SREBF2: variants seen among roughly 807,000 people sequenced by gnomAD.
SREBF2 encodes the protein sterol regulatory element binding transcription factor 2.
A neutral mutation model predicts 113.1 loss-of-function variants in SREBF2; 55 were observed. The observed-to-expected ratio is 0.49, with a 90% confidence interval of 0.39 to 0.61. SREBF2 has a LOEUF of 0.61. Among genes scored for constraint, SREBF2 ranks in the 20% least tolerant of loss-of-function variants. SREBF2 has a pLI of 0.00. For synonymous variants in SREBF2, 593 were observed against 605.7 expected (o/e 0.98, Z 0.31); for missense variants, 1,349 against 1,487.4 (o/e 0.91, Z 1.53).
In SREBF2 at chr22:41,905,470, A is replaced by T. The variant is rs1187132568; in HGVS notation, c.3236A>T (p.Glu1079Val). The T allele has an allele frequency of 1.9e-6, 3 of 1,579,306 alleles. No homozygotes were observed. Among genetic ancestry groups the T allele is most frequent in the Non-Finnish European group, 2.6e-6 (3 of 1,163,410 alleles). ...GEVDAWPGQR[E>V]RATAILLACR... ...GTGGATGCCTGGCCCGGCCAGCGAG[A>T]GCGGGCCACCGCCATCCTGCTGGCC... The change falls in exon 19 of 19, where the codon GAG becomes GTG. Residue 1079 changes from glutamate (E) to valine (V), a missense_variant. Around this residue, in one of 2 missense-constraint regions of SREBF2, gnomAD observed 650 missense variants for 644.1 expected, o/e 1.01. Transcript: ENST00000361204.
intron 1 of SREBF2, among the ~76,000 whole-genome samples, chr22:41,853,774 G>T (rs984326933): frequency 3.3e-5 from 5 of 152,098 alleles, no homozygotes. Context: ...AGTGGCTCAC[G>T]CCTGTAATCC....
At position 41,894,816 on chromosome 22, in the gene SREBF2, C is replaced by T; in HGVS notation, c.2378-4C>T. The T allele has an allele frequency of 6.2e-7, 1 of 1,613,858 alleles. No individual in the cohort carries two copies. Among genetic ancestry groups the T allele is most frequent in the Non-Finnish European group, 8.5e-7 (1 of 1,179,756 alleles). The stretch of plus-strand genomic sequence containing the variant: ...TTAACCCCCCTTGCCTGTCTCTTTT[C>T]CAGCTGACCCCATTGCGCAGGTCCA... On this transcript the variant is annotated splice_polypyrimidine_tract_variant and splice_region_variant and intron_variant, in intron 12 of 18. Transcript: ENST00000361204.
chr22:41,886,473 GT>G (rs1485476759), intron 11 of SREBF2, among the ~76,000 whole-genome samples: 1 of 152,170 alleles, frequency 6.6e-6, no homozygotes, highest in Non-Finnish European at 1.5e-5. Context: ...CCCCAAAAAT[GT>G]TTTGAAGACA....
intron 18 of SREBF2, 115 bp from the exon 19 acceptor site, chr22:41,905,325 G>T: frequency 9.6e-7 from 1 of 1,046,800 alleles, no homozygotes; most frequent in Non-Finnish European, 1.4e-6. Flanking sequence ...TGGGGCAGCA[G>T]ACCCCACCTC....
In SREBF2 at chr22:41,856,971, A is replaced by T. The variant is rs530483994; in HGVS notation, c.89-9860A>T. ...AATCCCGGCTACATGGGAGGCTGAG[A>T]CAGGAGAGTTGCTTGAACCTGGGAG... On this transcript the variant is annotated intron_variant, in intron 1 of 18. Transcript: ENST00000361204. 5.9e-5 allele frequency among the ~76,000 whole-genome samples: 9 copies of T among 151,780 alleles called. No homozygotes were observed. The East Asian group carries it at 1.7e-3, about 29-fold the overall frequency.
chr22:41,839,546 CA>C (rs1277661258), intron 1 of SREBF2, among the ~76,000 whole-genome samples: 1 of 152,092 alleles, frequency 6.6e-6, no homozygotes, highest in Non-Finnish European at 1.5e-5. Context: ...AGAAAGGAAG[CA>C]GGGGTGAGTG....
In SREBF2 at chr22:41,867,073, A is replaced by G. The variant is rs1213005734; in HGVS notation, c.331A>G (p.Thr111Ala). 3.7e-6 allele frequency: 6 copies of G among 1,613,912 alleles called. No individual in the cohort carries two copies. Among genetic ancestry groups the G allele is most frequent in the Non-Finnish European group, 4.2e-6 (5 of 1,180,000 alleles). The change falls in exon 2 of 19, where the codon ACT becomes GCT. Residue 111 changes from threonine (T) to alanine (A), a missense_variant. Thr to Ala is a moderately conservative substitution (Grantham distance 58). Transcript: ENST00000361204. ...CTCGGCGGCCTCCCCACAGGCTCCA[A>G]CTCTGCAAGTCAAGGTTTCTCCCAC... Reference protein sequence around the residue: ...SPSAASPQAPTLQVKVSPTSV... With the variant: ...SPSAASPQAPALQVKVSPTSV...
intron 11 of SREBF2, 147 bp from the exon 12 acceptor site, chr22:41,892,970 A>C: frequency 4.2e-6 from 4 of 960,908 alleles, no homozygotes; most frequent in Non-Finnish European, 6.5e-6. Context: ...CTTTACTTTC[A>C]GGTACCTGTG....
intron 1 of SREBF2, among the ~76,000 whole-genome samples, chr22:41,850,731 A>G (rs1408807049): frequency 6.7e-6 from 1 of 148,296 alleles, no homozygotes; most frequent in African/African-American, 2.4e-5. Flanking sequence ...TGAATCTTAG[A>G]TTCCTCACTT....
At chr22:41,862,284 C>T (rs1466330725) in intron 1 of SREBF2, among the ~76,000 whole-genome samples, 2 of 152,160 alleles carry the variant, frequency 1.3e-5, no homozygotes, top group Admixed American at 6.5e-5. Flanking sequence ...TTGCAATGCA[C>T]GGATGATAAC....
chr22:41,866,532 C>T (rs539964185), intron 1 of SREBF2, among the ~76,000 whole-genome samples: 2 of 151,978 alleles, frequency 1.3e-5, no homozygotes, highest in African/African-American at 2.4e-5. Context: ...CCAGCGTGGG[C>T]GATAGAGGAA....
intron 15 of SREBF2, chr22:41,899,079 G>A (rs1233314017): frequency 1.6e-5 from 10 of 623,564 alleles, no homozygotes; most frequent in Admixed American, 1.4e-4. Flanking sequence ...AAGAAGAGAC[G>A]AGAGCAGTGT....
At chr22:41,876,577 C>T (rs2077199642) in intron 7 of SREBF2, among the ~76,000 whole-genome samples, 1 of 152,168 alleles carries the variant, frequency 6.6e-6, no homozygotes, top group South Asian at 2.1e-4. Context: ...CTTCAGCCCT[C>T]CTGCTGTAAA....
In SREBF2 at chr22:41,875,212, C is replaced by CAG. The variant is rs1335067790; in HGVS notation, c.1090-125_1090-124insAG. On this transcript the variant is annotated intron_variant, in intron 5 of 18. Transcript: ENST00000361204. ...GTGGCACAGCTAATCATTGGGAGGA[C>CAG]CAGCATCTGAACTTGGTTTCTCCTC... 3 of 760,090 alleles carry CAG rather than the reference C, an allele frequency of 3.9e-6. No homozygotes were observed. In the African/African-American group the frequency reaches 5.1e-5, roughly 13 times the overall value. The allele number at this position is 760,090 out of a possible 1,614,324, so 47.1% of individuals were successfully genotyped here.
chr22:41,897,390 C>G (rs563385404), intron 14 of SREBF2, among the ~76,000 whole-genome samples: 1 of 152,204 alleles, frequency 6.6e-6, no homozygotes, highest in East Asian at 1.9e-4. Flanking sequence ...ATGTCTTCCT[C>G]AAGCCCTAGC....
intron 1 of SREBF2, among the ~76,000 whole-genome samples, chr22:41,858,312 T>C (rs1411945539): frequency 6.6e-6 from 1 of 152,200 alleles, no homozygotes; most frequent in Non-Finnish European, 1.5e-5. Context: ...TAGGTGACTA[T>C]TCCTCTGATC....
At chr22:41,900,153 C>T (rs2077452841) in intron 15 of SREBF2, 177 bp from the exon 16 acceptor site, 2 of 1,499,276 alleles carry the variant, frequency 1.3e-6, no homozygotes, top group South Asian at 2.6e-5. Flanking sequence ...AACCCTAGCT[C>T]AGGGCTGGCA....
At chr22:41,882,970 T>C (rs2077262975) in intron 10 of SREBF2, among the ~76,000 whole-genome samples, 1 of 152,136 alleles carries the variant, frequency 6.6e-6, no homozygotes, top group Admixed American at 6.5e-5. Context: ...AGCTGGTTTT[T>C]GTGGTGTGTG....
At chr22:41,845,506 C>T (rs2076869938) in intron 1 of SREBF2, among the ~76,000 whole-genome samples, 2 of 152,184 alleles carry the variant, frequency 1.3e-5, no homozygotes, top group Non-Finnish European at 2.9e-5. Context: ...GTATTCATAG[C>T]ACAGTGCTAG....
Sources: allele counts gnomAD v4.1 joint callset (sites outside exome capture counted in the v4.1 genomes callset), GRCh38; gene constraint gnomAD v4.1.1; regional missense constraint gnomAD v4.1.1; transcripts MANE v1.5; gene names NCBI Gene and HGNC (gene_info 2026-07-23, HGNC 2026-07-21).